RFPL1: variants seen among roughly 807,000 people sequenced by gnomAD.
RFPL1 encodes the protein ret finger protein-like 1.
In RFPL1, 6 loss-of-function variants were observed where a neutral mutation model predicts 9.6. The observed-to-expected ratio is 0.62, with a 90% CI of 0.34 to 1.23. The LOEUF (loss-of-function observed/expected upper bound fraction) is 1.23. Ranked by LOEUF, RFPL1 falls within the 50% of genes most tolerant of loss-of-function variation. The pLI is 0.03. For missense variants in RFPL1, 352 were observed against 398.4 expected, an observed-to-expected ratio of 0.88 and a Z score of 0.99; for synonymous variants, 145 against 149.4, an observed-to-expected ratio of 0.97 and a Z score of 0.22.
At chr22:29,429,685 C>T in the RFPL1 span, among the ~76,000 whole-genome samples, 2 of 152,184 alleles carry the variant, frequency 1.3e-5, no homozygotes, top group Admixed American at 1.3e-4. Flanking sequence ...GAAAAGAAGT[C>T]TTACTGGCCT....
At chr22:29,432,230 G>C in the RFPL1 span, among the ~76,000 whole-genome samples, 1 of 152,174 alleles carries the variant, frequency 6.6e-6, no homozygotes, top group Non-Finnish European at 1.5e-5. Context: ...GCGTCAAAGA[G>C]TGCAATTAAC....
At chr22:29,395,398 GC>G in the RFPL1 span, among the ~76,000 whole-genome samples, 3 of 152,038 alleles carry the variant, frequency 2.0e-5, no homozygotes, top group Non-Finnish European at 4.4e-5. Context: ...AGGAACACCA[GC>G]CTCCACCTGC....
At chr22:29,437,615 T>C (rs1197265753), upstream of RFPL1, 5 of 1,590,370 alleles carry the variant, frequency 3.1e-6, no homozygotes, top group Non-Finnish European at 4.3e-6. Flanking sequence ...TGGAAGGGCA[T>C]GACCCAGTGG....
At chr22:29,439,563 G>T (rs6006149) in intron 1 of RFPL1, 17,545 of 188,170 alleles carry the variant, frequency 0.093, 2,080 homozygotes, top group East Asian at 0.36. Flanking sequence ...ACCTGGGGGG[G>T]GCGGAGCTTG....
the RFPL1 span, chr22:29,423,002 G>A: frequency 8.4e-6 from 7 of 836,666 alleles, no homozygotes; most frequent in East Asian, 4.9e-5. Context: ...CAAGCTCTAG[G>A]TCATTCCTGC....
At chr22:29,433,874 T>C (rs2062796016), upstream of RFPL1, among the ~76,000 whole-genome samples, 2 of 152,234 alleles carry the variant, frequency 1.3e-5, no homozygotes, top group Non-Finnish European at 2.9e-5. Context: ...ATATGTTATT[T>C]AAAGTATTGT....
chr22:29,391,501 A>G, the RFPL1 span, among the ~76,000 whole-genome samples: 1 of 152,220 alleles, frequency 6.6e-6, no homozygotes, highest in Non-Finnish European at 1.5e-5. Context: ...ACATCAGAAG[A>G]GAAAAATTAT....
the RFPL1 span, among the ~76,000 whole-genome samples, chr22:29,407,079 TTGTGTGTGTGTGTGTG>T: frequency 6.9e-5 from 10 of 145,918 alleles, no homozygotes; most frequent in African/African-American, 1.8e-4. Flanking sequence ...AGTTGTTCTT[TTGTGTGTGTGTGTGTG>T]TGTGTGTGTG....
At chr22:29,416,679 A>T in the RFPL1 span, among the ~76,000 whole-genome samples, 2 of 152,192 alleles carry the variant, frequency 1.3e-5, no homozygotes, top group Admixed American at 1.3e-4. Flanking sequence ...TCTGGCACCC[A>T]GTAAGAACCA....
the RFPL1 span, among the ~76,000 whole-genome samples, chr22:29,431,649 A>C: frequency 6.6e-6 from 1 of 152,098 alleles, no homozygotes; most frequent in Non-Finnish European, 1.5e-5. Flanking sequence ...AAATTTTAAT[A>C]CAAAAAAGTT....
At chr22:29,414,312 T>A in the RFPL1 span, among the ~76,000 whole-genome samples, 1 of 152,184 alleles carries the variant, frequency 6.6e-6, no homozygotes, top group Non-Finnish European at 1.5e-5. Flanking sequence ...AGGCCACAGA[T>A]TAGAAATTAC....
the RFPL1 span, among the ~76,000 whole-genome samples, chr22:29,409,242 T>C: frequency 1.3e-5 from 2 of 152,198 alleles, no homozygotes; most frequent in African/African-American, 4.8e-5. Flanking sequence ...TAGTCACTCC[T>C]GTTTTTCCCA....
At chr22:29,441,051 G>A (rs1364040207) in intron 1 of RFPL1, 1 of 158,074 alleles carries the variant, frequency 6.3e-6, no homozygotes, top group Non-Finnish European at 1.4e-5. Context: ...ATTGTCAGCT[G>A]CAGAGATACC....
chr22:29,407,079 T>TTGTGTGTGTGTGTGTGTGTG, the RFPL1 span, among the ~76,000 whole-genome samples: 3 of 145,918 alleles, frequency 2.1e-5, no homozygotes, highest in African/African-American at 7.7e-5. Flanking sequence ...AGTTGTTCTT[T>TTGTGTGTGTGTGTGTGTGTG]TGTGTGTGTG....
At chr22:29,428,465 A>G in the RFPL1 span, among the ~76,000 whole-genome samples, 1 of 152,224 alleles carries the variant, frequency 6.6e-6, no homozygotes, top group East Asian at 1.9e-4. Flanking sequence ...AAAATAAAAT[A>G]AAGTAATGTA....
chr22:29,410,674 CA>C, the RFPL1 span, among the ~76,000 whole-genome samples: 1 of 114,160 alleles, frequency 8.8e-6, no homozygotes, highest in Non-Finnish European at 2.0e-5. Flanking sequence ...TTTTTTGAGA[CA>C]AAGTCTTGTT....
chr22:29,417,424 G>A, the RFPL1 span, among the ~76,000 whole-genome samples: 2 of 151,184 alleles, frequency 1.3e-5, no homozygotes, highest in African/African-American at 2.5e-5. Context: ...CTTGGGGGGT[G>A]ATCCATGGGG....
chr22:29,399,027 G>A, the RFPL1 span, among the ~76,000 whole-genome samples: 1 of 152,306 alleles, frequency 6.6e-6, no homozygotes, highest in African/African-American at 2.4e-5. Flanking sequence ...CACTTACAAA[G>A]TGTGTGTCAC....
the RFPL1 span, among the ~76,000 whole-genome samples, chr22:29,398,278 G>C: frequency 6.6e-6 from 1 of 152,320 alleles, no homozygotes; most frequent in South Asian, 2.1e-4. Flanking sequence ...ACAACAAGGG[G>C]ACTGGACTGG....
Sources: allele counts gnomAD v4.1 joint callset (sites outside exome capture counted in the v4.1 genomes callset), GRCh38; gene constraint gnomAD v4.1.1; transcripts MANE v1.5; gene names NCBI Gene and HGNC (gene_info 2026-07-23, HGNC 2026-07-21).